The following ADGRA3 variants were observed in gnomAD, a reference collection of about 807,000 sequenced individuals.
ADGRA3 encodes G-protein coupled receptor 125.
ADGRA3 carries 56 observed loss-of-function variants against 119.8 expected under a neutral mutation model. The ratio of observed to expected loss-of-function variants is 0.47; its 90% CI spans 0.38 to 0.58. ADGRA3 has a LOEUF of 0.58. ADGRA3 is among the 20% of genes least tolerant of loss of function. The pLI, the probability that ADGRA3 is intolerant of heterozygous loss-of-function variation, is 0.00. For synonymous variants in ADGRA3, 607 were observed against 623.8 expected, an observed-to-expected ratio of 0.97 and a Z score of 0.40; for missense variants, 1,516 against 1,649.0, an observed-to-expected ratio of 0.92 and a Z score of 1.40.
chr4:22,413,657 A>G lies in ADGRA3; in HGVS notation c.1967T>C (p.Leu656Ser), dbSNP rs746608601. 1 of 1,613,996 alleles carries G rather than the reference A, an allele frequency of 6.2e-7. No individual in the cohort carries two copies. The highest frequency in any genetic ancestry group is 8.5e-7 in the Non-Finnish European group (1 of 1,179,936). Residue 656 changes from leucine to serine, a missense_variant, in exon 13 of 19, where the codon TTG (leucine) becomes TCG (serine). Leu to Ser is a moderately radical substitution (Grantham distance 145). Transcript: ENST00000334304. ...LFPATGNSTN[L>S]ADDGKRRTVV... ...AGTACGTCGTTTTCCATCATCAGCCAAATTTGTTGAATTTCCAGTGGCTGG... is the reference window on the plus strand; with the variant it reads ...AGTACGTCGTTTTCCATCATCAGCCGAATTTGTTGAATTTCCAGTGGCTGG...
chr4:22,491,581 CCT>C lies in ADGRA3; in HGVS notation c.258-17740_258-17739del, dbSNP rs1445942021. On this transcript the variant is annotated intron_variant, in intron 1 of 18. Transcript: ENST00000334304. ...CCCACCCACGATATCTGGTCAAACC[CCT>C]CTCTTCCAACATCCACCAAGTGATA... Among the ~76,000 whole-genome samples, 3 of 152,092 alleles carry C rather than the reference CCT, an allele frequency of 2.0e-5. No homozygotes were observed. In the East Asian group the frequency reaches 5.8e-4, roughly 29 times the overall value.
At chr4:22,480,739 G>A (rs999777911) in intron 1 of ADGRA3, among the ~76,000 whole-genome samples, 2 of 152,130 alleles carry the variant, frequency 1.3e-5, no homozygotes, top group African/African-American at 2.4e-5. Context: ...GTATACTTAC[G>A]TTGGTTCCAA....
chr4:22,428,255 CA>C lies in ADGRA3; in HGVS notation c.1444-3904del, dbSNP rs373074606. On this transcript the variant is annotated intron_variant, in intron 10 of 18. Transcript: ENST00000334304. ...TGTCACAAGTTTAGATGTCCCTGAGCAAATCAGCCTCTGTGAGACTCAGTTT... is the reference window on the plus strand; with the variant it reads ...TGTCACAAGTTTAGATGTCCCTGAGCAATCAGCCTCTGTGAGACTCAGTTT... Among the ~76,000 whole-genome samples the C allele has an allele frequency of 1.9e-3, 291 of 151,658 alleles. 3 individuals carry two copies. The highest frequency in any genetic ancestry group is 6.6e-3 in the African/African-American group (271 of 41,330).
chr4:22,416,487 T>C (rs190781243), intron 12 of ADGRA3, among the ~76,000 whole-genome samples: 76 of 152,310 alleles, frequency 5.0e-4, no homozygotes, highest in African/African-American at 1.7e-3. Flanking sequence ...TTAACCTCTC[T>C]GAGTCTCATC....
At chr4:22,446,908 G>GA (rs201005764) in intron 5 of ADGRA3, among the ~76,000 whole-genome samples, 98 of 150,516 alleles carry the variant, frequency 6.5e-4, no homozygotes, top group African/African-American at 1.9e-3. Context: ...AAAACTGGGG[G>GA]AAAAAAAATC....
intron 15 of ADGRA3, among the ~76,000 whole-genome samples, chr4:22,402,051 TA>T (rs1280387287): frequency 6.6e-6 from 1 of 152,232 alleles, no homozygotes; most frequent in African/African-American, 2.4e-5. Flanking sequence ...TTTTGTTTCT[TA>T]ACTAAATGTC....
At chr4:22,439,920 C>G (rs1383873202) in intron 7 of ADGRA3, among the ~76,000 whole-genome samples, 2 of 152,122 alleles carry the variant, frequency 1.3e-5, no homozygotes, top group African/African-American at 4.8e-5. Flanking sequence ...AAATGTCTAT[C>G]TATATTCAAA....
intron 10 of ADGRA3, among the ~76,000 whole-genome samples, chr4:22,433,651 C>G (rs188409587): frequency 6.6e-6 from 1 of 152,186 alleles, no homozygotes; most frequent in African/African-American, 2.4e-5. Context: ...AGGTTCACAT[C>G]ATAAACATGT....
intron 1 of ADGRA3, among the ~76,000 whole-genome samples, chr4:22,481,847 G>A (rs1179609797): frequency 1.3e-5 from 2 of 152,132 alleles, no homozygotes; most frequent in Non-Finnish European, 1.5e-5. Context: ...AGCTTATTCT[G>A]TTTTCAGATA....
chr4:22,415,324 A>G (rs763909472), intron 12 of ADGRA3, among the ~76,000 whole-genome samples: 2 of 152,192 alleles, frequency 1.3e-5, no homozygotes, highest in Non-Finnish European at 2.9e-5. Context: ...AGATACCCAT[A>G]AATATCTTTT....
chr4:22,392,584 T>C lies in ADGRA3; in HGVS notation c.2588A>G (p.Asp863Gly), dbSNP rs1714178075. ...TGGTGGAGGTGGTGGTTCATCAGGATCCTGGCATCTTTTAGCTTTTTTAGT... is the reference window on the plus strand; with the variant it reads ...TGGTGGAGGTGGTGGTTCATCAGGACCCTGGCATCTTTTAGCTTTTTTAGT... Reference protein sequence around the residue: ...QVTKKAKRCQDPDEPPPPPRP... With the variant: ...QVTKKAKRCQGPDEPPPPPRP... Residue 863 changes from aspartate to glycine, a missense_variant, in exon 17 of 19, where the codon GAT becomes GGT. By Grantham distance (94) the Asp-to-Gly change is moderately conservative (BLOSUM62 -1). Transcript: ENST00000334304. 6.2e-7 allele frequency: 1 copy of C among 1,614,028 alleles called. No homozygotes were observed. The highest frequency in any genetic ancestry group is 8.5e-7 in the Non-Finnish European group (1 of 1,179,914).
At chr4:22,454,017 C>T (rs1399474228) in intron 4 of ADGRA3, among the ~76,000 whole-genome samples, 3 of 151,988 alleles carry the variant, frequency 2.0e-5, no homozygotes, top group East Asian at 3.9e-4. Context: ...TGTGCCACCA[C>T]GCCCAGCTAA....
chr4:22,479,183 G>T (rs1718160301), intron 1 of ADGRA3, among the ~76,000 whole-genome samples: 1 of 152,120 alleles, frequency 6.6e-6, no homozygotes, highest in South Asian at 2.1e-4. Context: ...AAAGTCAGGG[G>T]CTGGGCACGG....
chr4:22,395,572 G>A (rs973148281), intron 16 of ADGRA3, among the ~76,000 whole-genome samples: 4 of 152,094 alleles, frequency 2.6e-5, no homozygotes, highest in African/African-American at 7.2e-5. Context: ...TCAATAGTAC[G>A]GCTGTCATTC....
chr4:22,515,568 C>A lies in ADGRA3; in HGVS notation c.217G>T (p.Val73Phe). 5 of 1,603,782 alleles carry A rather than the reference C, an allele frequency of 3.1e-6. No homozygotes were observed. The highest frequency in any genetic ancestry group is 4.3e-6 in the Non-Finnish European group (5 of 1,175,388). The change falls in exon 1 of 19, where the codon GTC (valine) becomes TTC (phenylalanine). Residue 73 changes from valine (V) to phenylalanine (F), a missense_variant. This residue lies in a region of ADGRA3 where 428 missense variants were observed against 541.9 expected (regional missense o/e 0.79). Coordinates refer to ENST00000334304, the MANE Select transcript of ADGRA3 (RefSeq NM_145290.4). ...VVCSSLELAQ[V>F]LPPDTLPNRT... ...TTGGGCAGAGTATCTGGGGGCAGGA[C>A]CTGCGCGAGTTCCAGGCTGCTGCAC...
chr4:22,515,075 C>CA (rs1233526105), intron 1 of ADGRA3, among the ~76,000 whole-genome samples: 1 of 152,228 alleles, frequency 6.6e-6, no homozygotes, highest in Non-Finnish European at 1.5e-5. Context: ...GGCTCGCACA[C>CA]AGTCCTTGTG....
chr4:22,453,307 A>G (rs987371893), intron 4 of ADGRA3, among the ~76,000 whole-genome samples: 18 of 152,188 alleles, frequency 1.2e-4, no homozygotes, highest in Admixed American at 1.2e-3. Flanking sequence ...CAAAGGAGTT[A>G]AGAAGCAGTT....
intron 3 of ADGRA3, among the ~76,000 whole-genome samples, chr4:22,456,443 C>T (rs1284960719): frequency 6.6e-6 from 1 of 152,104 alleles, no homozygotes; most frequent in Non-Finnish European, 1.5e-5. Flanking sequence ...TCTCTCTGCT[C>T]TCTCTCTCCC....
At chr4:22,514,327 CA>C in intron 1 of ADGRA3, 1 of 149,164 alleles carries the variant, frequency 6.7e-6, no homozygotes, top group South Asian at 2.1e-4. Context: ...TCAAATAAAA[CA>C]AAAACTCTTT....
Sources: gnomAD v4.1 joint callset for allele counts (sites outside exome capture counted in the v4.1 genomes callset) on GRCh38, gnomAD v4.1.1 for gene constraint, gnomAD v4.1.1 regional missense constraint, MANE v1.5 for transcripts, NCBI Gene and HGNC (gene_info 2026-07-23, HGNC 2026-07-21) for gene names.